The following FSTL4 variants were observed in gnomAD, a reference collection of about 807,000 sequenced individuals.
FSTL4 encodes follistatin like 4, also known as follistatin-related protein 4.
In FSTL4, 28 loss-of-function variants were observed where a neutral mutation model predicts 78.2. The ratio of observed to expected loss-of-function variants is 0.36; its 90% CI spans 0.27 to 0.49. The LOEUF (loss-of-function observed/expected upper bound fraction) is 0.49. Ranked by LOEUF, FSTL4 falls within the 20% of genes least tolerant of loss-of-function variation. The pLI is 0.98. For missense variants in FSTL4, 922 were observed against 1,084.9 expected, an observed-to-expected ratio of 0.85 and a Z score of 2.11; for synonymous variants, 422 against 440.5, an observed-to-expected ratio of 0.96 and a Z score of 0.53.
chr5:133,549,054 G>GT (rs1421472355), intron 3 of FSTL4, among the ~76,000 whole-genome samples: 2 of 152,136 alleles, frequency 1.3e-5, no homozygotes, highest in African/African-American at 4.8e-5. Flanking sequence ...TATTCTGCAA[G>GT]TTTTTGTTGT....
chr5:133,792,857 G>C, the FSTL4 span, among the ~76,000 whole-genome samples: 4 of 152,150 alleles, frequency 2.6e-5, no homozygotes, highest in African/African-American at 7.2e-5. Context: ...TCATGGAAAG[G>C]AACAGGAAAA....
intron 6 of FSTL4, among the ~76,000 whole-genome samples, chr5:133,288,542 G>A (rs545964229): frequency 2.0e-5 from 3 of 152,348 alleles, no homozygotes; most frequent in South Asian, 2.1e-4. Context: ...GCCCAGCCAC[G>A]AGGGGCTCAA....
intron 3 of FSTL4, among the ~76,000 whole-genome samples, chr5:133,547,630 T>G (rs1323541797): frequency 6.6e-6 from 1 of 152,172 alleles, no homozygotes; most frequent in African/African-American, 2.4e-5. Context: ...CTCCCCTTCA[T>G]GGGACTGGAT....
At chr5:133,685,674 C>A in the FSTL4 span, among the ~76,000 whole-genome samples, 1 of 152,330 alleles carries the variant, frequency 6.6e-6, no homozygotes, top group East Asian at 1.9e-4. Flanking sequence ...TCTTGGGCAC[C>A]CACAACATGA....
intron 4 of FSTL4, among the ~76,000 whole-genome samples, chr5:133,382,513 T>C (rs1755596969): frequency 6.6e-6 from 1 of 152,228 alleles, no homozygotes; most frequent in African/African-American, 2.4e-5. Context: ...ATTTGTTGAA[T>C]TAGTCATTTA....
intron 7 of FSTL4, among the ~76,000 whole-genome samples, chr5:133,240,507 A>T (rs957833694): frequency 2.0e-5 from 3 of 152,144 alleles, no homozygotes; most frequent in African/African-American, 7.2e-5. Context: ...CAGGCCTGGA[A>T]GAGGGAGTTG....
At chr5:133,632,857 T>G in the FSTL4 span, among the ~76,000 whole-genome samples, 1 of 152,048 alleles carries the variant, frequency 6.6e-6, no homozygotes, top group Non-Finnish European at 1.5e-5. Context: ...CAGCTAATTT[T>G]TTTTGTATTT....
intron 2 of FSTL4, among the ~76,000 whole-genome samples, chr5:133,601,698 T>TTTTTTC (rs377291709): frequency 5.2e-4 from 78 of 149,594 alleles, no homozygotes; most frequent in Middle Eastern, 3.4e-3. Context: ...TTTTTTTTTT[T>TTTTTTC]CTCAGACATG....
In FSTL4 at chr5:133,466,881, T is replaced by C. The variant is rs570425171; in HGVS notation, c.161-65895A>G. The stretch of plus-strand genomic sequence containing the variant: ...AGTCTAGGGTCAGAGTGTGAGTGTG[T>C]GTGTGTCAGTGTGAGTGTGTGTGTG... On this transcript the variant is annotated intron_variant, in intron 3 of 15. Transcript: ENST00000265342. Among the ~76,000 whole-genome samples, 4 of 152,122 alleles carry C rather than the reference T, an allele frequency of 2.6e-5. No homozygotes were observed. In the South Asian group the frequency reaches 6.2e-4, roughly 24 times the overall value.
the FSTL4 span, among the ~76,000 whole-genome samples, chr5:133,800,187 G>A: frequency 7.2e-6 from 1 of 138,546 alleles, no homozygotes; most frequent in Non-Finnish European, 1.6e-5. Context: ...GGTTGGTGCT[G>A]AGAAGCAGTC....
chr5:133,672,749 A>T, the FSTL4 span, among the ~76,000 whole-genome samples: 1 of 152,186 alleles, frequency 6.6e-6, no homozygotes, highest in Non-Finnish European at 1.5e-5. Context: ...CTGTGAAGAG[A>T]GCTGGCTTCT....
intron 2 of FSTL4, among the ~76,000 whole-genome samples, chr5:133,599,719 C>T (rs761117820): frequency 4.6e-5 from 7 of 152,182 alleles, no homozygotes; most frequent in South Asian, 2.1e-4. Flanking sequence ...TGCTGGAACA[C>T]GACACCCAGG....
rs928489852 is a variant in FSTL4 at position 133,197,946 on chromosome 5, T to C, written c.*1149A>G. 2 of 152,696 alleles carry C rather than the reference T, an allele frequency of 1.3e-5. No individual in the cohort carries two copies. Among genetic ancestry groups the C allele is most frequent in the Non-Finnish European group, 2.9e-5 (2 of 68,186 alleles). The allele number at this position is 152,696 out of a possible 1,614,324, so 9.5% of individuals were successfully genotyped here. ...GGGTTCTGCAGTGTGTGTGTATTGA[T>C]TGGGGAATGTGGGTAAGAAAACCCT... is the stretch of plus-strand genomic sequence containing the variant. On this transcript the variant is annotated 3_prime_UTR_variant, in exon 16 of 16. Transcript: ENST00000265342.
the FSTL4 span, among the ~76,000 whole-genome samples, chr5:133,762,868 G>T: frequency 6.6e-6 from 1 of 152,100 alleles, no homozygotes; most frequent in Non-Finnish European, 1.5e-5. Context: ...GACTCACTTG[G>T]ACCAATCAGG....
Position 133,400,934 on chromosome 5 carries a change from G to C in FSTL4, c.213C>G (p.Ser71Arg), listed in dbSNP as rs1238264846. 1 of 1,613,322 alleles carries C rather than the reference G, an allele frequency of 6.2e-7. No homozygotes were observed. Among genetic ancestry groups the C allele is most frequent in the African/African-American group, 1.3e-5 (1 of 74,932 alleles). ...LLASCGKKFC[S>R]RGSRCVLSRK... ...TGCTGAGCACGCACCGGCTCCCTCG[G>C]CTGCAGAACTTCTTCCCGCAGGAGG... The change falls in exon 4 of 16, where the codon AGC becomes AGG. Residue 71 changes from serine to arginine, a missense_variant. Coordinates refer to ENST00000265342, the MANE Select transcript of FSTL4 (RefSeq NM_015082.2).
chr5:133,675,253 T>C, the FSTL4 span, among the ~76,000 whole-genome samples: 1 of 152,172 alleles, frequency 6.6e-6, no homozygotes, highest in African/African-American at 2.4e-5. Flanking sequence ...GAGAAAGAGC[T>C]GGGCATGGAA....
At chr5:133,718,050 T>A in the FSTL4 span, among the ~76,000 whole-genome samples, 1 of 152,142 alleles carries the variant, frequency 6.6e-6, no homozygotes, top group African/African-American at 2.4e-5. Flanking sequence ...AGTTGCTCCA[T>A]ATCCTCTCCA....
At chr5:133,445,604 T>G (rs1757248191) in intron 3 of FSTL4, among the ~76,000 whole-genome samples, 1 of 152,182 alleles carries the variant, frequency 6.6e-6, no homozygotes, top group South Asian at 2.1e-4. Flanking sequence ...TGGGAGCCAG[T>G]TGGCCCCACC....
chr5:133,222,234 G>C (rs1751159501), intron 11 of FSTL4, among the ~76,000 whole-genome samples: 1 of 152,102 alleles, frequency 6.6e-6, no homozygotes, highest in Non-Finnish European at 1.5e-5. Context: ...GTGAACACCA[G>C]GGAGTATCCA....
Sources: gnomAD v4.1 joint callset for allele counts (sites outside exome capture counted in the v4.1 genomes callset) on GRCh38, gnomAD v4.1.1 for gene constraint, MANE v1.5 for transcripts, NCBI Gene and HGNC (gene_info 2026-07-23, HGNC 2026-07-21) for gene names.